LARP1B: variants seen among roughly 807,000 people sequenced by gnomAD.
The protein encoded by LARP1B is La ribonucleoprotein 1B.
A neutral mutation model predicts 114.2 loss-of-function variants in LARP1B; 76 were observed. The ratio of observed to expected loss-of-function variants is 0.67; its 90% CI spans 0.55 to 0.81. The LOEUF is 0.81. Among genes scored for constraint, LARP1B ranks in the 30% least tolerant of loss-of-function variants. The pLI is 0.00. For missense variants in LARP1B, 1,014 were observed against 1,075.8 expected, an observed-to-expected ratio of 0.94 and a Z score of 0.80; for synonymous variants, 345 against 348.0, an observed-to-expected ratio of 0.99 and a Z score of 0.10.
chr4:128,134,002 T>TTC (rs979990771), intron 11 of LARP1B, among the ~76,000 whole-genome samples: 1 of 149,912 alleles, frequency 6.7e-6, no homozygotes, highest in Non-Finnish European at 1.5e-5. Flanking sequence ...CAGCCCAATT[T>TTC]TTTTTTTTTT....
Position 128,084,691 on chromosome 4 carries a change from G to A in LARP1B, c.358+2386G>A, listed in dbSNP as rs374370896. Among the ~76,000 whole-genome samples the A allele has an allele frequency of 1.1e-4, 17 of 152,160 alleles. No homozygotes were observed. The East Asian group carries it at 3.1e-3, about 28-fold the overall frequency. On this transcript the variant is annotated intron_variant, in intron 5 of 19. Transcript: ENST00000326639. ...TTTATTCTATCATTTTCTTCTTAGC[G>A]AATCACATGGGAGTATGACCTTGAT...
rs72408437 is a variant in LARP1B, at chr4:128,143,796, G to GGTGTGTGTGTGTGTGTGTGTGTGT, written c.1525-18376_1525-18375insGTGTGTGTGTGTGTGTGTGTGTGT. Among the ~76,000 whole-genome samples the GGTGTGTGTGTGTGTGTGTGTGTGT allele has an allele frequency of 6.8e-3, 1,005 of 147,914 alleles. 7 individuals are homozygous for GGTGTGTGTGTGTGTGTGTGTGTGT. The highest frequency in any genetic ancestry group is 0.011 in the South Asian group (50 of 4,586). On this transcript the variant is annotated intron_variant, in intron 11 of 19. Transcript: ENST00000326639. ...TGAACATAGATAAGTTAAGGCACAG[G>GGTGTGTGTGTGTGTGTGTGTGTGT]GTGTGTGTGTGTGTGTGTGTGTATC...
chr4:128,122,374 A>G (rs1295429961), intron 11 of LARP1B, 186 bp downstream of exon 11: 1 of 1,462,398 alleles, frequency 6.8e-7, no homozygotes, highest in Non-Finnish European at 9.0e-7. Flanking sequence ...TATTTTATGA[A>G]AGTAACAGCG....
At chr4:128,077,493 T>A (rs1321580405) in intron 3 of LARP1B, among the ~76,000 whole-genome samples, 1 of 151,512 alleles carries the variant, frequency 6.6e-6, no homozygotes, top group Non-Finnish European at 1.5e-5. Context: ...AAAGTGAGAC[T>A]CTGTCCTCCC....
At chr4:128,168,840 G>T (rs1419765297) in intron 12 of LARP1B, among the ~76,000 whole-genome samples, 1 of 151,736 alleles carries the variant, frequency 6.6e-6, no homozygotes, top group Non-Finnish European at 1.5e-5. Flanking sequence ...GTCATAAAAT[G>T]AGTTGGTAAG....
At chr4:128,127,071 C>T (rs1291954986) in intron 11 of LARP1B, among the ~76,000 whole-genome samples, 1 of 152,110 alleles carries the variant, frequency 6.6e-6, no homozygotes, top group Non-Finnish European at 1.5e-5. Flanking sequence ...AACCAATAGA[C>T]ATTGGAATGA....
At chr4:128,168,401 T>G (rs566244122) in intron 12 of LARP1B, among the ~76,000 whole-genome samples, 79 of 152,186 alleles carry the variant, frequency 5.2e-4, no homozygotes, top group African/African-American at 1.9e-3. Context: ...TGCTCAAATC[T>G]TTGGACATTT....
intron 5 of LARP1B, among the ~76,000 whole-genome samples, chr4:128,083,051 A>C (rs540245772): frequency 1.3e-5 from 2 of 152,176 alleles, no homozygotes; most frequent in African/African-American, 4.8e-5. Context: ...GCATCTGTTT[A>C]ACAAAACACA....
intron 15 of LARP1B, among the ~76,000 whole-genome samples, chr4:128,185,545 T>C (rs1581402807): frequency 2.6e-5 from 4 of 151,728 alleles, no homozygotes; most frequent in Admixed American, 2.6e-4. Flanking sequence ...TTTTTTTTTT[T>C]CTACTGAGTT....
chr4:128,094,253 C>T (rs1282621812), intron 7 of LARP1B, among the ~76,000 whole-genome samples: 1 of 151,912 alleles, frequency 6.6e-6, no homozygotes, highest in Non-Finnish European at 1.5e-5. Flanking sequence ...TAAGTGAAAA[C>T]TTGTATTAAT....
intron 6 of LARP1B, among the ~76,000 whole-genome samples, chr4:128,219,281 C>T (rs1210496510): frequency 6.0e-5 from 7 of 116,972 alleles, no homozygotes; most frequent in Non-Finnish European, 1.0e-4. Flanking sequence ...TTGACCCAGC[C>T]ATCCCATTAC....
At chr4:128,214,324 C>G (rs1254577130), downstream of LARP1B, among the ~76,000 whole-genome samples, 3 of 149,048 alleles carry the variant, frequency 2.0e-5, no homozygotes, top group African/African-American at 4.9e-5. Flanking sequence ...GCCTGCCTGC[C>G]TCTGTAGGCT....
intron 8 of LARP1B, 52 bp from the exon 9 acceptor site, chr4:128,107,087 G>C (rs1033619290): frequency 1.4e-6 from 2 of 1,477,308 alleles, no homozygotes; most frequent in African/African-American, 1.4e-5. Flanking sequence ...TAGAAGTATA[G>C]CACAGACAGT....
At chr4:128,119,404 G>C (rs1787151547) in intron 10 of LARP1B, among the ~76,000 whole-genome samples, 1 of 152,154 alleles carries the variant, frequency 6.6e-6, no homozygotes, top group Non-Finnish European at 1.5e-5. Flanking sequence ...GCTAGGATGT[G>C]TTCAACTTCT....
At position 128,155,613 on chromosome 4, in the gene LARP1B, C is replaced by G; in HGVS notation, c.1525-6581C>G. 3 of 1,168,718 alleles carry G rather than the reference C, an allele frequency of 2.6e-6. No homozygotes were observed. The East Asian group carries it at 7.0e-5, about 27-fold the overall frequency. 72.4% of individuals were successfully genotyped at this position (1,168,718 alleles called of 1,614,324 possible). On this transcript the variant is annotated intron_variant, in intron 11 of 19. Transcript: ENST00000326639. ...CTCTGACCTACCCTTAGTCCAGCCC[C>G]CTACAACCCCAGCCAGGAGCCATCC...
chr4:128,194,553 G>T (rs1392178503), intron 15 of LARP1B, among the ~76,000 whole-genome samples: 1 of 151,580 alleles, frequency 6.6e-6, no homozygotes, highest in South Asian at 2.1e-4. Flanking sequence ...CATGGTGGCG[G>T]GCGCCTGTAG....
At chr4:128,064,348 CT>C (rs1447635864) in intron 1 of LARP1B, among the ~76,000 whole-genome samples, 1 of 150,484 alleles carries the variant, frequency 6.6e-6, no homozygotes, top group African/African-American at 2.4e-5. Flanking sequence ...CAGAGGAACT[CT>C]CCAAAGAGGG....
At chr4:128,134,582 CA>C (rs1319252650) in intron 11 of LARP1B, among the ~76,000 whole-genome samples, 2 of 151,970 alleles carry the variant, frequency 1.3e-5, no homozygotes, top group Non-Finnish European at 2.9e-5. Flanking sequence ...TGTTACAGAA[CA>C]AATGTAGACA....
At chr4:128,221,210 A>G (rs1386514570) in intron 7 of LARP1B, among the ~76,000 whole-genome samples, 1 of 152,234 alleles carries the variant, frequency 6.6e-6, no homozygotes, top group African/African-American at 2.4e-5. Context: ...GGAAACAAAT[A>G]TCATCCATGT....
Sources: gnomAD v4.1 joint callset for allele counts (sites outside exome capture counted in the v4.1 genomes callset) on GRCh38, gnomAD v4.1.1 for gene constraint, MANE v1.5 for transcripts, NCBI Gene and HGNC (gene_info 2026-07-23, HGNC 2026-07-21) for gene names.